Variants in DOCK4 observed in about 807,000 individuals in gnomAD.
DOCK4 encodes the protein dedicator of cytokinesis protein 4.
Under a neutral mutation model 268.1 loss-of-function variants are expected in DOCK4, and 97 were observed. That is an observed-to-expected ratio of 0.36 (90% CI 0.31 to 0.43). The LOEUF (loss-of-function observed/expected upper bound fraction) is 0.43, where lower values mean the gene tolerates loss of function less well. Ranked by LOEUF, DOCK4 falls within the 20% of genes least tolerant of loss-of-function variation. The probability of loss-of-function intolerance (pLI) is 1.00; values close to 1 mark genes in which losing one functional copy is unlikely to be tolerated. For synonymous variants in DOCK4, 954 were observed against 887.2 expected (o/e 1.08, Z -1.34); for missense variants, 2,145 against 2,455.7 (o/e 0.87, Z 2.67).
intron 27 of DOCK4, among the ~76,000 whole-genome samples, chr7:111,814,722 G>T (rs1345245180): frequency 6.6e-6 from 1 of 152,124 alleles, no homozygotes; most frequent in East Asian, 1.9e-4. Context: ...ATATTAGGAC[G>T]ATTTGTATGG....
At chr7:112,129,468 A>G (rs531271488) in intron 1 of DOCK4, among the ~76,000 whole-genome samples, 1 of 152,236 alleles carries the variant, frequency 6.6e-6, no homozygotes, top group East Asian at 1.9e-4. Flanking sequence ...CGTTACATAT[A>G]CCATACGTGA....
chr7:112,038,090 T>C (rs1407429680), intron 1 of DOCK4, among the ~76,000 whole-genome samples: 2 of 152,244 alleles, frequency 1.3e-5, no homozygotes, highest in Non-Finnish European at 2.9e-5. Flanking sequence ...AAATTATTCA[T>C]GCCTGTCTAC....
At chr7:112,183,067 C>G (rs1321157187) in intron 1 of DOCK4, among the ~76,000 whole-genome samples, 2 of 152,192 alleles carry the variant, frequency 1.3e-5, no homozygotes, top group Non-Finnish European at 2.9e-5. Flanking sequence ...ACATGTAGGC[C>G]TCCCACATTG....
At chr7:111,970,062 C>G (rs1314789619) in intron 8 of DOCK4, among the ~76,000 whole-genome samples, 3 of 152,194 alleles carry the variant, frequency 2.0e-5, no homozygotes, top group Admixed American at 6.5e-5. Context: ...TCCCTCATTA[C>G]TGGATCTTTC....
At position 111,811,863 on chromosome 7, in the gene DOCK4, T is replaced by C; in HGVS notation, c.3006+11A>G. 1 of 1,459,504 alleles carries C rather than the reference T, an allele frequency of 6.9e-7. No homozygotes were observed. The highest frequency in any genetic ancestry group is 9.4e-7 in the Non-Finnish European group (1 of 1,066,446). 90.4% of individuals were successfully genotyped at this position (1,459,504 alleles called of 1,614,324 possible). On this transcript the variant is annotated intron_variant, in intron 28 of 52. Coordinates refer to ENST00000428084, the MANE Select transcript of DOCK4 (RefSeq NM_001363540.2). The stretch of plus-strand genomic sequence containing the variant: ...AGCCCAAGCAGGAGAGTCATATAAA[T>C]GAATGCTTACCTTATAATCAAAGTT...
intron 1 of DOCK4, among the ~76,000 whole-genome samples, chr7:112,176,183 G>T (rs1224813919): frequency 6.6e-6 from 1 of 152,198 alleles, no homozygotes; most frequent in Non-Finnish European, 1.5e-5. Context: ...GGGGTGTGTG[G>T]AAGACTGACC....
intron 11 of DOCK4, among the ~76,000 whole-genome samples, chr7:111,937,762 A>C (rs1794861623): frequency 6.6e-6 from 1 of 152,220 alleles, no homozygotes; most frequent in African/African-American, 2.4e-5. Flanking sequence ...TTAACTGGAG[A>C]GCTCAGATGC....
rs1419371979 is a variant in DOCK4 at position 111,758,680 on chromosome 7, A to G, written c.4273T>C (p.Phe1425Leu). ...TTGTGAAATGGTCGGTCATAGCGGA[A>G]TTTCCAGATGTGATTCACTTTATAG... is the stretch of plus-strand genomic sequence containing the variant. ...SFYKVNHIWK[F>L]RYDRPFHKGT... is the part of the protein sequence containing the mutation. Residue 1425 changes from phenylalanine to leucine, a missense_variant, in exon 41 of 53, where the codon TTC (phenylalanine) becomes CTC (leucine). Coordinates refer to ENST00000428084, the MANE Select transcript of DOCK4 (RefSeq NM_001363540.2). 4 of 1,613,868 alleles carry G rather than the reference A, an allele frequency of 2.5e-6. No homozygotes were observed. In the East Asian group the frequency reaches 8.9e-5, roughly 36 times the overall value.
rs1313590142 is a variant in DOCK4, at chr7:111,732,241, C to T, written c.5466G>A (p.Gly1822=). Residue 1822 remains glycine, a synonymous_variant, in exon 52 of 53, where the codon GGG becomes GGA. Coordinates refer to ENST00000428084, the MANE Select transcript of DOCK4 (RefSeq NM_001363540.2). ...HTTSVSPSPA[G]RSPLKGSVQS... ...GGGCCTTTACCTTCAATGGAGATCG[C>T]CCGGCAGGCGAGGGGGATACTGATG... 2.5e-6 allele frequency: 4 copies of T among 1,613,998 alleles called. No individual in the cohort carries two copies. In the Admixed American group the frequency reaches 6.7e-5, roughly 27 times the overall value.
At chr7:112,163,349 A>T (rs896368652) in intron 1 of DOCK4, among the ~76,000 whole-genome samples, 1 of 151,450 alleles carries the variant, frequency 6.6e-6, no homozygotes, top group Admixed American at 6.6e-5. Context: ...CCAACAAGGC[A>T]TCTTTGTTGC....
In DOCK4 at chr7:111,926,530, A is replaced by C. The variant is rs184827869; in HGVS notation, c.1066+9010T>G. 2.2e-4 allele frequency among the ~76,000 whole-genome samples: 33 copies of C among 148,652 alleles called. 3 individuals carry two copies. Among genetic ancestry groups the C allele is most frequent in the African/African-American group, 7.9e-4 (31 of 39,378 alleles). ...AGAAGGAAGAAAAAAAGAAAGAAAAAGAGAAAGAGAAAGAGAAAGAAAGGA... is the reference window on the plus strand; with the variant it reads ...AGAAGGAAGAAAAAAAGAAAGAAAACGAGAAAGAGAAAGAGAAAGAAAGGA... On this transcript the variant is annotated intron_variant, in intron 12 of 52. Transcript: ENST00000428084.
chr7:111,959,252 C>G (rs1007910403), intron 8 of DOCK4, among the ~76,000 whole-genome samples: 2 of 152,152 alleles, frequency 1.3e-5, no homozygotes, highest in African/African-American at 4.8e-5. Context: ...AGGAGGGTGT[C>G]TGAATGCCGT....
intron 13 of DOCK4, among the ~76,000 whole-genome samples, chr7:111,902,748 T>C (rs1409784935): frequency 6.6e-6 from 1 of 152,038 alleles, no homozygotes; most frequent in East Asian, 1.9e-4. Context: ...TCAAAAGTAA[T>C]ACTGTTTTCT....
chr7:111,912,283 C>T (rs1300575258), intron 13 of DOCK4, among the ~76,000 whole-genome samples: 1 of 152,144 alleles, frequency 6.6e-6, no homozygotes, highest in African/African-American at 2.4e-5. Context: ...ATACTGTCAA[C>T]AATTTAAGAG....
intron 1 of DOCK4, among the ~76,000 whole-genome samples, chr7:112,030,738 G>A (rs1803202308): frequency 6.6e-6 from 1 of 152,160 alleles, no homozygotes; most frequent in African/African-American, 2.4e-5. Context: ...CTTCACAGAG[G>A]GATGGAGAGA....
intron 1 of DOCK4, among the ~76,000 whole-genome samples, chr7:112,048,000 A>T (rs1362653881): frequency 6.6e-6 from 1 of 152,168 alleles, no homozygotes; most frequent in Non-Finnish European, 1.5e-5. Context: ...CGAGAAAAAA[A>T]TTTTAAACAC....
intron 12 of DOCK4, among the ~76,000 whole-genome samples, chr7:111,925,849 A>C (rs752035905): frequency 2.0e-5 from 3 of 152,076 alleles, no homozygotes; most frequent in Admixed American, 6.6e-5. Flanking sequence ...GGACTTTGGG[A>C]GGGCAAGGTG....
At position 111,758,676 on chromosome 7, in the gene DOCK4, C is replaced by T. The variant is rs373247688; in HGVS notation, c.4277G>A (p.Arg1426His). The T allele has an allele frequency of 2.5e-5, 41 of 1,613,814 alleles. No homozygotes were observed. The highest frequency in any genetic ancestry group is 1.0e-4 in the Admixed American group (6 of 59,984). Residue 1426 changes from arginine to histidine, a missense_variant, in exon 41 of 53, where the codon CGC becomes CAC. Physicochemically the swap from Arg to His is conservative, Grantham distance 29. Transcript: ENST00000428084. The stretch of plus-strand genomic sequence containing the variant: ...GCCTTTGTGAAATGGTCGGTCATAG[C>T]GGAATTTCCAGATGTGATTCACTTT... ...FYKVNHIWKFRYDRPFHKGTK... is the reference protein window; with the variant it reads ...FYKVNHIWKFHYDRPFHKGTK...
intron 7 of DOCK4, among the ~76,000 whole-genome samples, chr7:111,980,060 A>C (rs1403358128): frequency 2.0e-5 from 3 of 152,212 alleles, no homozygotes; most frequent in African/African-American, 7.2e-5. Context: ...AGACAGATGC[A>C]AATCACAGCA....
Sources: gnomAD v4.1 joint callset for allele counts (sites outside exome capture counted in the v4.1 genomes callset) on GRCh38, gnomAD v4.1.1 for gene constraint, MANE v1.5 for transcripts, NCBI Gene and HGNC (gene_info 2026-07-23, HGNC 2026-07-21) for gene names.